The following APTX variants were observed in gnomAD, a reference collection of about 807,000 sequenced individuals.
APTX encodes the protein aprataxin, also known as forkhead-associated domain histidine triad-like protein.
A neutral mutation model predicts 42.3 loss-of-function variants in APTX; 33 were observed. The ratio of observed to expected loss-of-function variants is 0.78; its 90% CI spans 0.59 to 1.04. The LOEUF (loss-of-function observed/expected upper bound fraction) is 1.04, where lower values mean the gene tolerates loss of function less well. APTX is among the 50% of genes least tolerant of loss of function. APTX has a pLI of 0.00. For synonymous variants in APTX, 130 were observed against 146.7 expected (o/e 0.89, Z 0.82); for missense variants, 421 against 415.1 (o/e 1.01, Z -0.12).
intron 1 of APTX, among the ~76,000 whole-genome samples, chr9:32,991,141 G>T (rs1489804134): frequency 6.6e-6 from 1 of 152,048 alleles, no homozygotes; most frequent in Non-Finnish European, 1.5e-5. Flanking sequence ...GGTCAGTCTG[G>T]TCTCGACCTC....
intron 6 of APTX, among the ~76,000 whole-genome samples, chr9:32,978,537 G>A (rs1336959557): frequency 6.6e-6 from 1 of 152,118 alleles, no homozygotes. Context: ...TTGCTTCTGA[G>A]GCCTTTATTT....
At chr9:33,009,877 AC>A (rs1837417633) in intron 1 of APTX, among the ~76,000 whole-genome samples, 1 of 152,190 alleles carries the variant, frequency 6.6e-6, no homozygotes, top group Admixed American at 6.5e-5. Flanking sequence ...TAAATCCTTT[AC>A]CAATGCTCAT....
At chr9:33,012,664 A>T (rs774303667) in intron 1 of APTX, among the ~76,000 whole-genome samples, 4 of 152,216 alleles carry the variant, frequency 2.6e-5, no homozygotes, top group African/African-American at 4.8e-5. Context: ...TGGGTCCTCC[A>T]GCCCTAGGGA....
rs189855998 is a variant in APTX, at chr9:32,977,544, A to G, written c.771-2983T>C. On this transcript the variant is annotated intron_variant, in intron 6 of 7. Coordinates refer to ENST00000379817, the MANE Select transcript of APTX (RefSeq NM_001195248.2). ...AAATTCATTTATAAAAATGGGGGGGAAAAAACCTGGGTGCAGTGGCTCACA... is the reference window on the plus strand; with the variant it reads ...AAATTCATTTATAAAAATGGGGGGGGAAAAACCTGGGTGCAGTGGCTCACA... Among the ~76,000 whole-genome samples the G allele has an allele frequency of 6.5e-3, 857 of 131,274 alleles. 9 individuals carry two copies. Among genetic ancestry groups the G allele is most frequent in the African/African-American group, 0.019 (750 of 39,690 alleles). The allele number at this position is 131,274 out of a possible 152,430, so 86.1% of individuals were successfully genotyped here. A position where few individuals can be genotyped will look rare whatever the true frequency, so the allele number is the denominator to read the frequency against.
chr9:32,997,711 A>G (rs1835283070), intron 1 of APTX, among the ~76,000 whole-genome samples: 1 of 152,230 alleles, frequency 6.6e-6, no homozygotes, highest in Non-Finnish European at 1.5e-5. Flanking sequence ...TGAGGCAGAG[A>G]AGAGGCTGGA....
chr9:32,993,076 A>T (rs1428792162), intron 1 of APTX, among the ~76,000 whole-genome samples: 1 of 152,214 alleles, frequency 6.6e-6, no homozygotes, highest in Non-Finnish European at 1.5e-5. Flanking sequence ...CAATAAGAGA[A>T]GCCAGAAGAG....
At chr9:32,973,865 C>T (rs1341220196) in intron 7 of APTX, among the ~76,000 whole-genome samples, 1 of 152,134 alleles carries the variant, frequency 6.6e-6, no homozygotes, top group Non-Finnish European at 1.5e-5. Flanking sequence ...TAATACACTC[C>T]TTCAGGACAC....
intron 1 of APTX, among the ~76,000 whole-genome samples, chr9:33,000,642 A>AG (rs1256209084): frequency 6.7e-6 from 1 of 149,676 alleles, no homozygotes; most frequent in Admixed American, 6.6e-5. Flanking sequence ...AAAAAAAAAA[A>AG]AAAAAGAAAA....
At chr9:32,991,399 G>A (rs1035320035) in intron 1 of APTX, among the ~76,000 whole-genome samples, 12 of 152,136 alleles carry the variant, frequency 7.9e-5, no homozygotes, top group African/African-American at 2.7e-4. Flanking sequence ...AACAATGGCC[G>A]AAGCAAAGGG....
chr9:32,996,760 C>G (rs1476381996), intron 1 of APTX, among the ~76,000 whole-genome samples: 1 of 152,176 alleles, frequency 6.6e-6, no homozygotes, highest in Non-Finnish European at 1.5e-5. Flanking sequence ...TTCTACTTTC[C>G]AAACAAGATT....
chr9:32,992,294 C>G (rs1833830752), intron 1 of APTX, among the ~76,000 whole-genome samples: 1 of 152,174 alleles, frequency 6.6e-6, no homozygotes, highest in Non-Finnish European at 1.5e-5. Flanking sequence ...CAAGACAATG[C>G]AAGGCAAAGT....
chr9:32,993,882 C>T (rs1467552797), intron 1 of APTX, among the ~76,000 whole-genome samples: 3 of 152,076 alleles, frequency 2.0e-5, no homozygotes, highest in Non-Finnish European at 2.9e-5. Context: ...CCACACCTGA[C>T]TACTTTTTGT....
At chr9:32,999,273 G>C (rs1273270969) in intron 1 of APTX, among the ~76,000 whole-genome samples, 1 of 152,200 alleles carries the variant, frequency 6.6e-6, no homozygotes, top group East Asian at 1.9e-4. Flanking sequence ...GGGTCTGAGA[G>C]CTAGATACAG....
chr9:33,019,481 T>C (rs547537929), intron 1 of APTX, among the ~76,000 whole-genome samples: 3 of 152,296 alleles, frequency 2.0e-5, no homozygotes, highest in Non-Finnish European at 4.4e-5. Flanking sequence ...AAATTTTTCT[T>C]TTTTCTTTTT....
intron 1 of APTX, among the ~76,000 whole-genome samples, chr9:33,024,196 C>A (rs985726299): frequency 5.3e-5 from 8 of 152,186 alleles, no homozygotes; most frequent in Non-Finnish European, 8.8e-5. Flanking sequence ...TGTTTTAAAT[C>A]GAGACGGGGT....
chr9:33,003,406 C>T (rs760467411), upstream of APTX, among the ~76,000 whole-genome samples: 3 of 152,184 alleles, frequency 2.0e-5, no homozygotes, highest in Non-Finnish European at 4.4e-5. Flanking sequence ...CTCGGCCAGG[C>T]ACGGTGGCTC....
At chr9:32,984,543 G>C in intron 6 of APTX, 88 bp downstream of exon 6, 1 of 1,340,614 alleles carries the variant, frequency 7.5e-7, no homozygotes, top group South Asian at 1.2e-5. Context: ...GGGTCTCAGT[G>C]CAATATGTGC....
rs532290985 is a variant in APTX, at chr9:32,993,334, T to C, written c.-4-3439A>G. Among the ~76,000 whole-genome samples, 20 of 152,318 alleles carry C rather than the reference T, an allele frequency of 1.3e-4. No individual in the cohort carries two copies. In the South Asian group the frequency reaches 4.1e-3, roughly 32 times the overall value. ...CGTTTCAGCCTCCAATTCCAACTTT[T>C]AGAAATGGAGTGTTTTACAATATGG... On this transcript the variant is annotated intron_variant, in intron 1 of 7. Transcript: ENST00000379817.
chr9:32,988,018 C>T (rs1832610530), intron 3 of APTX, 65 bp downstream of exon 3: 4 of 1,563,230 alleles, frequency 2.6e-6, no homozygotes, highest in Admixed American at 1.7e-5. Flanking sequence ...CTGGCACAGA[C>T]ACTCTAAAGT....
Sources: allele counts gnomAD v4.1 joint callset (sites outside exome capture counted in the v4.1 genomes callset), GRCh38; gene constraint gnomAD v4.1.1; transcripts MANE v1.5; gene names NCBI Gene and HGNC (gene_info 2026-07-23, HGNC 2026-07-21).